Variants in RAC2 observed in about 807,000 individuals in gnomAD.
RAC2 encodes ras-related C3 botulinum toxin substrate 2.
A neutral mutation model predicts 24.0 loss-of-function variants in RAC2; 1 was observed. The ratio of observed to expected loss-of-function variants is 0.04; its 90% CI spans 0.01 to 0.20. RAC2 has a LOEUF of 0.20. Among genes scored for constraint, RAC2 ranks in the 10% least tolerant of loss-of-function variants. RAC2 has a pLI of 1.00. For missense variants in RAC2, 130 were observed against 259.1 expected, an observed-to-expected ratio of 0.50 and a Z score of 3.42; for synonymous variants, 114 against 106.8, an observed-to-expected ratio of 1.07 and a Z score of -0.41.
chr22:37,231,266 G>T lies in RAC2; in HGVS notation c.413C>A (p.Thr138Asn). 6.2e-7 allele frequency: 1 copy of T among 1,613,796 alleles called. No individual in the cohort carries two copies. Among genetic ancestry groups the T allele is most frequent in the Non-Finnish European group, 8.5e-7 (1 of 1,180,014 alleles). ...KLKEKKLAPI[T>N]YPQGLALAKE... ...GGCCAGTGCCAGGCCCTGCGGGTAGGTGATGGGAGCCAGCTTCTTCTCCTT... is the reference window on the plus strand; with the variant it reads ...GGCCAGTGCCAGGCCCTGCGGGTAGTTGATGGGAGCCAGCTTCTTCTCCTT... Residue 138 changes from threonine to asparagine, a missense_variant, in exon 5 of 7, where the codon ACC becomes AAC. Physicochemically the swap from Thr to Asn is moderately conservative, Grantham distance 65. Coordinates refer to ENST00000249071, the MANE Select transcript of RAC2 (RefSeq NM_002872.5). This position sits in a 1 kb window ranked among gnomAD's most constrained non-coding sequence, Gnocchi z 5.5.
chr22:37,237,345 T>A (rs1324432462), intron 2 of RAC2, among the ~76,000 whole-genome samples: 2 of 151,888 alleles, frequency 1.3e-5, no homozygotes, highest in Non-Finnish European at 2.9e-5. Context: ...ACCGTGCTAT[T>A]GGTTGAAAGA....
intron 3 of RAC2, chr22:37,232,508 G>A: frequency 2.0e-6 from 1 of 489,250 alleles, no homozygotes; most frequent in South Asian, 2.0e-5. Context: ...GCTGCCTCCT[G>A]GGGCCCTGTG....
intron 2 of RAC2, among the ~76,000 whole-genome samples, chr22:37,234,120 C>T (rs1481868597): frequency 1.3e-5 from 2 of 151,802 alleles, no homozygotes; most frequent in African/African-American, 2.4e-5. Context: ...TACTATGCAT[C>T]GGGTGCAGAG....
chr22:37,240,236 G>T (rs1221760873), intron 2 of RAC2, among the ~76,000 whole-genome samples: 3 of 152,200 alleles, frequency 2.0e-5, no homozygotes, highest in Admixed American at 6.5e-5. Flanking sequence ...CCTTCTGCCT[G>T]CCCTCCTCTT....
chr22:37,225,869 T>C lies in RAC2; in HGVS notation c.*173A>G, dbSNP rs1458413154. On this transcript the variant is annotated 3_prime_UTR_variant, in exon 7 of 7. Transcript: ENST00000249071. ...ATGCAGCACCTGCAAATTTGCACGT[T>C]CCTGGCCTCAGGAGGCCTCCAGTAC... 6.6e-6 allele frequency: 1 copy of C among 151,934 alleles called. No individual in the cohort carries two copies. Among genetic ancestry groups the C allele is most frequent in the Non-Finnish European group, 1.5e-5 (1 of 68,080 alleles). The allele number at this position is 151,934 out of a possible 1,614,324, so 9.4% of individuals were successfully genotyped here. A position where few individuals can be genotyped will look rare whatever the true frequency, so the allele number is the denominator to read the frequency against.
At chr22:37,232,336 G>T in intron 3 of RAC2, 3 of 457,532 alleles carry the variant, frequency 6.6e-6, no homozygotes, top group South Asian at 4.3e-5. Context: ...GAGGATCTGG[G>T]ATTCTAGAGT....
chr22:37,234,195 C>G (rs1159851413), intron 2 of RAC2, among the ~76,000 whole-genome samples: 1 of 152,246 alleles, frequency 6.6e-6, no homozygotes, highest in Non-Finnish European at 1.5e-5. Flanking sequence ...GAAGGCCAGA[C>G]ACGGGGTGAG....
chr22:37,231,783 G>T lies in RAC2; in HGVS notation c.288+149C>A. Reference sequence around the variant, plus strand: ...GGTCCTCTGAATCTTACCCCCTCAAGTCCCTCTGCCAGCCCTGGTTGGCAC... The same window carrying T: ...GGTCCTCTGAATCTTACCCCCTCAATTCCCTCTGCCAGCCCTGGTTGGCAC... On this transcript the variant is annotated intron_variant, in intron 4 of 6. Coordinates refer to ENST00000249071, the MANE Select transcript of RAC2 (RefSeq NM_002872.5). The surrounding 1 kb of genome is among the most constrained non-coding windows in gnomAD (Gnocchi z 5.5). 3.3e-6 allele frequency: 3 copies of T among 903,046 alleles called. No individual in the cohort carries two copies. The highest frequency in any genetic ancestry group is 2.2e-5 in the Admixed American group (1 of 45,862). 55.9% of individuals were successfully genotyped at this position (903,046 alleles called of 1,614,324 possible).
At chr22:37,238,946 CT>C (rs1205123561) in intron 2 of RAC2, among the ~76,000 whole-genome samples, 1 of 152,202 alleles carries the variant, frequency 6.6e-6, no homozygotes, top group Non-Finnish European at 1.5e-5. Context: ...CTTATCTGAT[CT>C]TGTATCTGCA....
Position 37,244,211 on chromosome 22 carries a change from G to C in RAC2, c.-63C>G, listed in dbSNP as rs1276066671. ...CAGGGCCAGGCGCGTTTCTGCGGGC[G>C]CAAGGGGTGTGGAGGCTGGTGAGGC... On this transcript the variant is annotated 5_prime_UTR_variant, in exon 1 of 7. Coordinates refer to ENST00000249071, the MANE Select transcript of RAC2 (RefSeq NM_002872.5). The C allele has an allele frequency of 5.6e-6, 9 of 1,595,580 alleles. No homozygotes were observed. The highest frequency in any genetic ancestry group is 7.7e-6 in the Non-Finnish European group (9 of 1,169,260).
At chr22:37,241,425 G>A (rs1395858919) in intron 2 of RAC2, among the ~76,000 whole-genome samples, 162 bp downstream of exon 2, 2 of 152,164 alleles carry the variant, frequency 1.3e-5, no homozygotes, top group African/African-American at 2.4e-5. Context: ...ACCTCTCAGC[G>A]CCAGTGCTGC....
intron 2 of RAC2, among the ~76,000 whole-genome samples, chr22:37,233,151 T>C (rs1484163857): frequency 1.3e-5 from 2 of 152,226 alleles, no homozygotes; most frequent in African/African-American, 4.8e-5. Context: ...TGTCTCTTAA[T>C]CCTTTTCCTA....
At chr22:37,241,823 G>A (rs961016315) in intron 1 of RAC2, among the ~76,000 whole-genome samples, 165 bp from the exon 2 acceptor site, 1 of 152,198 alleles carries the variant, frequency 6.6e-6, no homozygotes, top group Admixed American at 6.5e-5. Flanking sequence ...TCACACCCGA[G>A]AGCCTGCAAG....
At chr22:37,232,128 G>T in intron 3 of RAC2, 134 bp from the exon 4 acceptor site, 2 of 892,608 alleles carry the variant, frequency 2.2e-6, no homozygotes, top group African/African-American at 1.7e-5. Context: ...TAGGATCTGG[G>T]CAGAGCAGAG....
intron 1 of RAC2, among the ~76,000 whole-genome samples, chr22:37,242,408 G>C (rs1057364944): frequency 1.3e-5 from 2 of 152,198 alleles, no homozygotes; most frequent in Non-Finnish European, 2.9e-5. Flanking sequence ...GAGAAGGCTA[G>C]ATTAACCCCA....
In RAC2 at chr22:37,231,147, C is replaced by T; in HGVS notation, c.448+84G>A. 1 of 1,528,976 alleles carries T rather than the reference C, an allele frequency of 6.5e-7. No homozygotes were observed. The allele number at this position is 1,528,976 out of a possible 1,614,324, so 94.7% of individuals were successfully genotyped here. On this transcript the variant is annotated intron_variant, in intron 5 of 6. Coordinates refer to ENST00000249071, the MANE Select transcript of RAC2 (RefSeq NM_002872.5). This position sits in a 1 kb window ranked among gnomAD's most constrained non-coding sequence, Gnocchi z 5.5. ...GTTCAAACTGCACAGCCTGGCCCTG[C>T]AGCCCGTGTTTACAATCACACCACG... is the stretch of plus-strand genomic sequence containing the variant.
chr22:37,235,598 C>T (rs553809778), intron 2 of RAC2, among the ~76,000 whole-genome samples: 34 of 152,360 alleles, frequency 2.2e-4, no homozygotes, highest in Non-Finnish European at 4.6e-4. Flanking sequence ...ACAGCAGGTG[C>T]TGGCGTGCAC....
At chr22:37,230,070 G>T (rs907895713) in intron 5 of RAC2, among the ~76,000 whole-genome samples, 2 of 152,156 alleles carry the variant, frequency 1.3e-5, no homozygotes, top group African/African-American at 4.8e-5. Context: ...ATATTTAAAA[G>T]GAAAGACTTG....
rs141906683 is a variant in RAC2 at position 37,226,441 on chromosome 22, G to T, written c.*2+230C>A. ...GACACCCACTCCCTGGCCCGGGGGT[G>T]GGGGGTTACCAGGCATTCATTCATA... is the stretch of plus-strand genomic sequence containing the variant. On this transcript the variant is annotated intron_variant, in intron 6 of 6. Coordinates refer to ENST00000249071, the MANE Select transcript of RAC2 (RefSeq NM_002872.5). Among the ~76,000 whole-genome samples the T allele has an allele frequency of 4.5e-3, 685 of 152,162 alleles. 4 individuals carry two copies. Among genetic ancestry groups the T allele is most frequent in the Admixed American group, 7.6e-3 (116 of 15,296 alleles).
Sources: gnomAD v4.1 joint callset for allele counts (sites outside exome capture counted in the v4.1 genomes callset) on GRCh38, gnomAD v4.1.1 for gene constraint, Gnocchi (gnomAD v3.1) non-coding constraint, MANE v1.5 for transcripts, NCBI Gene and HGNC (gene_info 2026-07-23, HGNC 2026-07-21) for gene names.